SORCS2: variants seen among roughly 807,000 people sequenced by gnomAD.
SORCS2 encodes the protein VPS10 domain-containing receptor SorCS2.
SORCS2 carries 100 observed loss-of-function variants against 141.6 expected under a neutral mutation model. That is an observed-to-expected ratio of 0.71 (90% CI 0.60 to 0.83). The LOEUF (loss-of-function observed/expected upper bound fraction) is 0.83, where lower values mean the gene tolerates loss of function less well. Among genes scored for constraint, SORCS2 ranks in the 40% least tolerant of loss-of-function variants. SORCS2 has a pLI of 0.00. For synonymous variants in SORCS2, 789 were observed against 676.9 expected (o/e 1.17, Z -2.57); for missense variants, 1,646 against 1,560.2 (o/e 1.05, Z -0.93).
chr4:7,464,200 G>A (rs1224328373), intron 2 of SORCS2, among the ~76,000 whole-genome samples: 1 of 152,150 alleles, frequency 6.6e-6, no homozygotes, highest in Non-Finnish European at 1.5e-5. Flanking sequence ...CACAGTGCTG[G>A]GATTCAACCT....
chr4:7,672,122 T>C (rs1007933871), intron 8 of SORCS2, among the ~76,000 whole-genome samples: 1 of 152,012 alleles, frequency 6.6e-6, no homozygotes, highest in African/African-American at 2.4e-5. Context: ...TTTGTATTTT[T>C]AATAGAGACA....
At chr4:7,401,219 G>C (rs1431094759) in intron 2 of SORCS2, among the ~76,000 whole-genome samples, 1 of 147,544 alleles carries the variant, frequency 6.8e-6, no homozygotes, top group Non-Finnish European at 1.5e-5. Context: ...GGATGGGTGG[G>C]TGGATGGATG....
At chr4:7,272,135 C>T (rs1715183499) in intron 1 of SORCS2, among the ~76,000 whole-genome samples, 1 of 152,184 alleles carries the variant, frequency 6.6e-6, no homozygotes, top group South Asian at 2.1e-4. Context: ...AGCACAATTT[C>T]TTACCTCTAG....
chr4:7,346,863 C>T (rs1720680760), intron 1 of SORCS2, among the ~76,000 whole-genome samples: 1 of 152,094 alleles, frequency 6.6e-6, no homozygotes, highest in Non-Finnish European at 1.5e-5. Context: ...TCTTAATGTC[C>T]ATCATAACAT....
intron 2 of SORCS2, among the ~76,000 whole-genome samples, chr4:7,437,228 C>G (rs1196226753): frequency 6.6e-6 from 1 of 152,200 alleles, no homozygotes; most frequent in African/African-American, 2.4e-5. Context: ...CCTGAGACCC[C>G]CTCCTCGGGT....
intron 2 of SORCS2, among the ~76,000 whole-genome samples, chr4:7,507,423 C>T (rs895555405): frequency 3.9e-5 from 6 of 152,238 alleles, no homozygotes; most frequent in African/African-American, 1.4e-4. Flanking sequence ...GTCCGCCCCC[C>T]TCGGCCTCCC....
At chr4:7,480,174 T>G (rs1469133825) in intron 2 of SORCS2, among the ~76,000 whole-genome samples, 1 of 152,190 alleles carries the variant, frequency 6.6e-6, no homozygotes, top group Admixed American at 6.5e-5. Flanking sequence ...TGTGGTGGTA[T>G]TCTGGGCTTT....
rs552959520 is a variant in SORCS2, at chr4:7,689,138, G to A, written c.1489-348G>A. Among the ~76,000 whole-genome samples, 22 of 152,220 alleles carry A rather than the reference G, an allele frequency of 1.4e-4. No homozygotes were observed. The South Asian group carries it at 4.6e-3, about 32-fold the overall frequency. On this transcript the variant is annotated intron_variant, in intron 10 of 26. Transcript: ENST00000507866. ...CGATGCCCAAGAGCCCTCAGTGGGA[G>A]AAGCCCCAGCAGCTGCATCCGTGAG...
At chr4:7,521,116 G>A (rs2109503944) in intron 2 of SORCS2, among the ~76,000 whole-genome samples, 1 of 152,280 alleles carries the variant, frequency 6.6e-6, no homozygotes, top group Middle Eastern at 3.4e-3. Flanking sequence ...CTGTTCTGAA[G>A]TGATAGTAAG....
chr4:7,268,134 C>T (rs1237074343), intron 1 of SORCS2, among the ~76,000 whole-genome samples: 2 of 152,146 alleles, frequency 1.3e-5, no homozygotes, highest in Admixed American at 1.3e-4. Flanking sequence ...GTGGGGCAGT[C>T]CATGGCCTTG....
intron 3 of SORCS2, among the ~76,000 whole-genome samples, chr4:7,554,463 C>G (rs1194995839): frequency 6.6e-6 from 1 of 152,180 alleles, no homozygotes; most frequent in Non-Finnish European, 1.5e-5. Context: ...CATTGGCCCT[C>G]CCCCAGAGGC....
chr4:7,216,808 A>G (rs1577286667), intron 1 of SORCS2, among the ~76,000 whole-genome samples: 1 of 152,112 alleles, frequency 6.6e-6, no homozygotes, highest in East Asian at 1.9e-4. Context: ...TGGGATTTGG[A>G]TGGGGATGTC....
intron 1 of SORCS2, among the ~76,000 whole-genome samples, chr4:7,293,944 C>T (rs1716783044): frequency 6.6e-6 from 1 of 152,214 alleles, no homozygotes; most frequent in East Asian, 1.9e-4. Flanking sequence ...GGGATTTTCC[C>T]TTTCCACCAA....
At chr4:7,318,381 C>G (rs113853931) in intron 1 of SORCS2, among the ~76,000 whole-genome samples, 1 of 152,124 alleles carries the variant, frequency 6.6e-6, no homozygotes, top group Non-Finnish European at 1.5e-5. Context: ...TACTGGATGC[C>G]AGATACTTGA....
At chr4:7,556,713 A>G (rs1164993396) in intron 3 of SORCS2, among the ~76,000 whole-genome samples, 3 of 149,074 alleles carry the variant, frequency 2.0e-5, no homozygotes, top group African/African-American at 7.5e-5. Context: ...CCCATCCACC[A>G]TTCATCCACC....
chr4:7,410,235 A>G (rs1015310604), intron 2 of SORCS2, among the ~76,000 whole-genome samples: 1 of 152,252 alleles, frequency 6.6e-6, no homozygotes. Context: ...TGTTCTTGGT[A>G]GATAACGCTG....
chr4:7,214,821 C>T (rs528279838), intron 1 of SORCS2, among the ~76,000 whole-genome samples: 2 of 152,296 alleles, frequency 1.3e-5, no homozygotes, highest in South Asian at 2.1e-4. Context: ...CTGGTGGACA[C>T]GAAGGACGCC....
At chr4:7,266,434 C>T (rs910927489) in intron 1 of SORCS2, among the ~76,000 whole-genome samples, 1 of 152,206 alleles carries the variant, frequency 6.6e-6, no homozygotes, top group Non-Finnish European at 1.5e-5. Context: ...TCAGGAGACC[C>T]GTTGAACACC....
chr4:7,577,124 A>G (rs1715804423), intron 3 of SORCS2, among the ~76,000 whole-genome samples: 1 of 152,202 alleles, frequency 6.6e-6, no homozygotes, highest in Non-Finnish European at 1.5e-5. Flanking sequence ...CTGCTGTGAC[A>G]AGAACGCTCA....
Sources: gnomAD v4.1 joint callset for allele counts (sites outside exome capture counted in the v4.1 genomes callset) on GRCh38, gnomAD v4.1.1 for gene constraint, MANE v1.5 for transcripts, NCBI Gene and HGNC (gene_info 2026-07-23, HGNC 2026-07-21) for gene names.